Variants in UNC5D observed in about 807,000 individuals in gnomAD.
The protein encoded by UNC5D is netrin receptor UNC5D.
UNC5D carries 39 observed loss-of-function variants against 105.4 expected under a neutral mutation model. The observed-to-expected ratio is 0.37, with a 90% CI of 0.29 to 0.48. The LOEUF (loss-of-function observed/expected upper bound fraction) is 0.48. Ranked by LOEUF, UNC5D falls within the 20% of genes least tolerant of loss-of-function variation. The pLI is 0.98. For synonymous variants in UNC5D, 452 were observed against 450.4 expected (o/e 1.00, Z -0.04); for missense variants, 991 against 1,202.4 (o/e 0.82, Z 2.60).
chr8:35,628,143 AT>A lies in UNC5D; in HGVS notation c.570+32494del, dbSNP rs925788755. On this transcript the variant is annotated intron_variant, in intron 4 of 16. Transcript: ENST00000404895. Reference sequence around the variant, plus strand: ...TATTTACTTACTTACTTACTTACTTATTTTTTTTGAGACTGAGTCTCACTCT... The same window carrying A: ...TATTTACTTACTTACTTACTTACTTATTTTTTTGAGACTGAGTCTCACTCT... 5.5e-4 allele frequency among the ~76,000 whole-genome samples: 82 copies of A among 149,732 alleles called. 1 individual carries two copies. The highest frequency in any genetic ancestry group is 5.4e-3 in the Admixed American group (81 of 15,020).
intron 1 of UNC5D, among the ~76,000 whole-genome samples, chr8:35,275,505 C>A (rs773785719): frequency 3.3e-5 from 5 of 152,046 alleles, no homozygotes; most frequent in Non-Finnish European, 7.4e-5. Context: ...TCGGTGAAAT[C>A]TTTTATTCAT....
intron 4 of UNC5D, among the ~76,000 whole-genome samples, chr8:35,630,455 G>A (rs538789962): frequency 5.3e-5 from 8 of 152,148 alleles, no homozygotes; most frequent in Non-Finnish European, 8.8e-5. Flanking sequence ...TATACCTGAC[G>A]TAGAGGAAAA....
intron 4 of UNC5D, among the ~76,000 whole-genome samples, chr8:35,619,632 C>A (rs1001655295): frequency 3.3e-5 from 5 of 152,294 alleles, no homozygotes; most frequent in African/African-American, 9.6e-5. Flanking sequence ...TGCAACTGGG[C>A]AGCTGGTCAG....
At chr8:35,352,950 T>A (rs1048416858) in intron 1 of UNC5D, among the ~76,000 whole-genome samples, 3 of 152,276 alleles carry the variant, frequency 2.0e-5, no homozygotes, top group Non-Finnish European at 2.9e-5. Context: ...CTGACCGATA[T>A]ACTTTTGCCT....
chr8:35,400,923 T>C (rs1420663633), intron 1 of UNC5D, among the ~76,000 whole-genome samples: 2 of 152,184 alleles, frequency 1.3e-5, no homozygotes, highest in Admixed American at 6.5e-5. Context: ...ATAACTGATA[T>C]ATAATGCCTG....
intron 4 of UNC5D, among the ~76,000 whole-genome samples, chr8:35,664,587 C>T (rs1053069697): frequency 6.6e-6 from 1 of 152,100 alleles, no homozygotes; most frequent in Non-Finnish European, 1.5e-5. Flanking sequence ...CCAAGTTAGC[C>T]AGGCTGGCCT....
At chr8:35,261,746 T>A (rs1804513804) in intron 1 of UNC5D, among the ~76,000 whole-genome samples, 1 of 152,192 alleles carries the variant, frequency 6.6e-6, no homozygotes, top group South Asian at 2.1e-4. Flanking sequence ...TTAACTCTGA[T>A]GAGAACAATC....
intron 1 of UNC5D, among the ~76,000 whole-genome samples, chr8:35,366,287 G>C (rs1329572403): frequency 1.3e-5 from 2 of 151,918 alleles, no homozygotes; most frequent in East Asian, 3.9e-4. Flanking sequence ...AGATGCTAAG[G>C]AACTTCTTCC....
At chr8:35,764,146 A>G (rs1321298301) in intron 14 of UNC5D, among the ~76,000 whole-genome samples, 1 of 152,248 alleles carries the variant, frequency 6.6e-6, no homozygotes, top group Non-Finnish European at 1.5e-5. Context: ...TAATGGAAGC[A>G]TAATGGAAAC....
chr8:35,505,182 TAAAG>T (rs905239265), intron 1 of UNC5D, among the ~76,000 whole-genome samples: 4 of 152,106 alleles, frequency 2.6e-5, no homozygotes, highest in Admixed American at 2.0e-4. Context: ...AATCAAAAAT[TAAAG>T]AGAAATACTT....
At chr8:35,785,613 G>A (rs549330394) in intron 16 of UNC5D, among the ~76,000 whole-genome samples, 164 of 151,928 alleles carry the variant, frequency 1.1e-3, no homozygotes, top group Admixed American at 2.7e-3. Flanking sequence ...TGCCCACCTC[G>A]GCCTCCCAAA....
At chr8:35,496,474 A>G (rs1167449830) in intron 1 of UNC5D, among the ~76,000 whole-genome samples, 1 of 152,198 alleles carries the variant, frequency 6.6e-6, no homozygotes, top group East Asian at 1.9e-4. Context: ...GCTAATTTAC[A>G]TTAAAGTGGA....
At chr8:35,534,732 G>A (rs1814704990) in intron 1 of UNC5D, among the ~76,000 whole-genome samples, 1 of 151,832 alleles carries the variant, frequency 6.6e-6, no homozygotes, top group African/African-American at 2.4e-5. Flanking sequence ...AATGCTCAAA[G>A]ATACTACATT....
intron 4 of UNC5D, among the ~76,000 whole-genome samples, chr8:35,605,984 A>T (rs987707234): frequency 4.9e-4 from 74 of 149,836 alleles, no homozygotes; most frequent in African/African-American, 1.8e-3. Context: ...CTTTTTTTTT[A>T]TTTATTTTTT....
At chr8:35,424,531 T>G (rs1806117491) in intron 1 of UNC5D, among the ~76,000 whole-genome samples, 1 of 152,196 alleles carries the variant, frequency 6.6e-6, no homozygotes, top group Non-Finnish European at 1.5e-5. Flanking sequence ...AAGTGTGTGT[T>G]TCTTGTGTCA....
rs568619133 is a variant in UNC5D at position 35,790,462 on chromosome 8, G to A, written c.2761G>A (p.Ala921Thr). Residue 921 changes from alanine (A) to threonine (T), a missense_variant, in exon 17 of 17, where the codon GCC (alanine) becomes ACC (threonine). This residue lies in a region of UNC5D where 45 missense variants were observed against 54.5 expected (regional missense o/e 0.83). Transcript: ENST00000404895. ...TGGTGATCTTGACTCCCTGGCCTGT[G>A]CCCTTGAAGAGATTGGGAGGACACA... ...HDGDLDSLAC[A>T]LEEIGRTHTK... 3 of 1,613,938 alleles carry A rather than the reference G, an allele frequency of 1.9e-6. No homozygotes were observed. In the Admixed American group the frequency reaches 5.0e-5, roughly 27 times the overall value.
intron 1 of UNC5D, among the ~76,000 whole-genome samples, chr8:35,375,861 C>G (rs1563356934): frequency 6.6e-6 from 1 of 151,958 alleles, no homozygotes; most frequent in Non-Finnish European, 1.5e-5. Flanking sequence ...GCTTGGAATC[C>G]CAAGTGCTGA....
chr8:35,456,698 T>G (rs892660633), intron 1 of UNC5D, among the ~76,000 whole-genome samples: 4 of 152,194 alleles, frequency 2.6e-5, no homozygotes, highest in Non-Finnish European at 5.9e-5. Context: ...AAGTTATTGA[T>G]GTAATTGACC....
intron 3 of UNC5D, among the ~76,000 whole-genome samples, chr8:35,582,651 A>G (rs1247224629): frequency 6.6e-6 from 1 of 152,208 alleles, no homozygotes; most frequent in Non-Finnish European, 1.5e-5. Flanking sequence ...GGGAAGAACC[A>G]AAAAACTAAT....
Sources: allele counts gnomAD v4.1 joint callset (sites outside exome capture counted in the v4.1 genomes callset), GRCh38; gene constraint gnomAD v4.1.1; regional missense constraint gnomAD v4.1.1; transcripts MANE v1.5; gene names NCBI Gene and HGNC (gene_info 2026-07-23, HGNC 2026-07-21).